The following LRP1B variants were observed in gnomAD, a reference collection of about 807,000 sequenced individuals.
The protein encoded by LRP1B is low-density lipoprotein receptor-related protein 1B.
Under a neutral mutation model 556.6 loss-of-function variants are expected in LRP1B, and 217 were observed. That is an observed-to-expected ratio of 0.39 (90% CI 0.35 to 0.44). The LOEUF (loss-of-function observed/expected upper bound fraction) is 0.44. Ranked by LOEUF, LRP1B falls within the 20% of genes least tolerant of loss-of-function variation. The pLI is 1.00. For missense variants in LRP1B, 5,053 were observed against 5,620.8 expected (o/e 0.90, Z 3.23); for synonymous variants, 2,047 against 1,865.8 (o/e 1.10, Z -2.50).
intron 1 of LRP1B, 40 bp downstream of exon 1, chr2:142,130,608 A>G: frequency 6.5e-7 from 1 of 1,546,378 alleles, no homozygotes; most frequent in Non-Finnish European, 8.8e-7. Context: ...AGGAAAGCCA[A>G]GGAAGTCAGG....
At chr2:141,059,969 A>C (rs1467726394) in intron 8 of LRP1B, among the ~76,000 whole-genome samples, 3 of 151,828 alleles carry the variant, frequency 2.0e-5, no homozygotes, top group African/African-American at 7.2e-5. Flanking sequence ...TTGAAAAAGC[A>C]TCTGTCACTA....
intron 84 of LRP1B, among the ~76,000 whole-genome samples, chr2:140,277,221 C>G (rs1416599437): frequency 2.0e-5 from 3 of 151,768 alleles, no homozygotes; most frequent in Non-Finnish European, 4.4e-5. Context: ...TACTAAAGGT[C>G]AAAGTTAAAA....
chr2:140,664,845 T>C (rs905527303), intron 41 of LRP1B, among the ~76,000 whole-genome samples: 4 of 151,896 alleles, frequency 2.6e-5, no homozygotes, highest in African/African-American at 4.8e-5. Flanking sequence ...AAAAACATTA[T>C]AAAAAAAATT....
chr2:141,681,208 T>C (rs772087891), intron 2 of LRP1B, among the ~76,000 whole-genome samples: 19 of 152,020 alleles, frequency 1.2e-4, no homozygotes, highest in Non-Finnish European at 2.2e-4. Flanking sequence ...GGGAGGATTT[T>C]TTTGTGCCAA....
intron 1 of LRP1B, among the ~76,000 whole-genome samples, chr2:141,853,895 T>C (rs145710292): frequency 6.6e-6 from 1 of 152,132 alleles, no homozygotes; most frequent in East Asian, 1.9e-4. Flanking sequence ...TATTTTATGA[T>C]ATATTTGTTG....
At chr2:141,492,079 G>GAAAAAAAAAAAAAAAAAAAAAAAAAA (rs1553521014) in intron 2 of LRP1B, among the ~76,000 whole-genome samples, 2 of 8,056 alleles carry the variant, frequency 2.5e-4, no homozygotes, top group African/African-American at 5.5e-4. Flanking sequence ...TTAGCTTTCT[G>GAAAAAAAAAAAAAAAAAAAAAAAAAA]AAAAAAAAAA....
chr2:141,168,101 T>C (rs192016986), intron 7 of LRP1B, among the ~76,000 whole-genome samples: 1 of 152,072 alleles, frequency 6.6e-6, no homozygotes, highest in East Asian at 1.9e-4. Context: ...TTAAGAAAAC[T>C]AAAACAGAAA....
At chr2:140,657,004 TCCTTC>T (rs1309525945) in intron 41 of LRP1B, among the ~76,000 whole-genome samples, 2 of 152,128 alleles carry the variant, frequency 1.3e-5, no homozygotes, top group Non-Finnish European at 2.9e-5. Flanking sequence ...GGTCATATTT[TCCTTC>T]TCTTATTATA....
At chr2:141,206,787 G>A (rs555857238) in intron 6 of LRP1B, among the ~76,000 whole-genome samples, 1 of 152,210 alleles carries the variant, frequency 6.6e-6, no homozygotes, top group African/African-American at 2.4e-5. Context: ...AAATTGGCAA[G>A]CAGAAGTGAG....
Position 140,762,036 on chromosome 2 carries a change from A to G in LRP1B, c.5758+7177T>C, listed in dbSNP as rs376391050. Among the ~76,000 whole-genome samples the G allele has an allele frequency of 4.6e-5, 7 of 152,136 alleles. No individual in the cohort carries two copies. The South Asian group carries it at 1.2e-3, about 27-fold the overall frequency. The stretch of plus-strand genomic sequence containing the variant: ...CCCTAACTATCTGAGTCTCAGATGA[A>G]GCTGTGCCATGAGTCTTCTGCCCCT... On this transcript the variant is annotated intron_variant, in intron 35 of 90. Transcript: ENST00000389484.
chr2:140,295,187 T>C (rs1297587018), intron 84 of LRP1B, among the ~76,000 whole-genome samples: 2 of 152,124 alleles, frequency 1.3e-5, no homozygotes, highest in Non-Finnish European at 2.9e-5. Flanking sequence ...TAATTAGTGT[T>C]ATACAATAAT....
In LRP1B at chr2:140,594,859, C is replaced by T. The variant is rs181323456; in HGVS notation, c.7194+3772G>A. 4.6e-3 allele frequency among the ~76,000 whole-genome samples: 701 copies of T among 151,780 alleles called. 11 individuals carry two copies. Among genetic ancestry groups the T allele is most frequent in the African/African-American group, 0.016 (652 of 41,424 alleles). On this transcript the variant is annotated intron_variant, in intron 43 of 90. Coordinates refer to ENST00000389484, the MANE Select transcript of LRP1B (RefSeq NM_018557.3). ...GCATTTTTTGACATTATAGAATGAA[C>T]GATGTTTTGCGTCTCTTCTTATATT...
At position 141,464,584 on chromosome 2, in the gene LRP1B, G is replaced by GTATATATATATATATATATA. The variant is rs1236041290; in HGVS notation, c.343+15792_343+15811dup. 6.1e-3 allele frequency among the ~76,000 whole-genome samples: 538 copies of GTATATATATATATATATATA among 88,228 alleles called. 13 individuals carry two copies. The highest frequency in any genetic ancestry group is 0.017 in the Middle Eastern group (3 of 174). 57.9% of individuals were successfully genotyped at this position (88,228 alleles called of 152,430 possible). On this transcript the variant is annotated intron_variant, in intron 3 of 90. Transcript: ENST00000389484. ...CCCGCCACCACGCCTGGCTAATTTTGTATATATATATATATATATATATTT... is the reference window on the plus strand; with the variant it reads ...CCCGCCACCACGCCTGGCTAATTTTGTATATATATATATATATATATATATATATATATATATATATATTT...
At chr2:142,015,986 C>A (rs1703114853) in intron 1 of LRP1B, among the ~76,000 whole-genome samples, 1 of 1,920 alleles carries the variant, frequency 5.2e-4, no homozygotes, top group African/African-American at 7.6e-4. Flanking sequence ...CGCGAGACTC[C>A]ATCTCAAAAA....
intron 1 of LRP1B, among the ~76,000 whole-genome samples, chr2:141,870,512 T>C (rs1242384912): frequency 2.6e-5 from 4 of 152,018 alleles, no homozygotes; most frequent in Non-Finnish European, 5.9e-5. Context: ...TGAAGGCAAG[T>C]AGATAAAAGT....
At chr2:141,119,312 A>G (rs1185701966) in intron 7 of LRP1B, among the ~76,000 whole-genome samples, 1 of 151,924 alleles carries the variant, frequency 6.6e-6, no homozygotes, top group Non-Finnish European at 1.5e-5. Flanking sequence ...CCAAATCCCC[A>G]CAACGTTGTA....
chr2:141,722,237 G>A (rs1574283854), intron 2 of LRP1B, among the ~76,000 whole-genome samples: 1 of 152,220 alleles, frequency 6.6e-6, no homozygotes, highest in Non-Finnish European at 1.5e-5. Context: ...AATTAGGTGG[G>A]CATGGTGGTG....
At chr2:140,737,265 A>T (rs1035567597) in intron 35 of LRP1B, among the ~76,000 whole-genome samples, 3 of 152,124 alleles carry the variant, frequency 2.0e-5, no homozygotes, top group Non-Finnish European at 4.4e-5. Flanking sequence ...CACCAAAAGG[A>T]CTTATGACCA....
At chr2:141,138,979 T>C (rs75662958) in intron 7 of LRP1B, among the ~76,000 whole-genome samples, 3,257 of 152,018 alleles carry the variant, frequency 0.021, 50 homozygotes, top group East Asian at 0.063. Flanking sequence ...AAAGTCAAAA[T>C]AGTGTGATAT....
Sources: allele counts gnomAD v4.1 joint callset (sites outside exome capture counted in the v4.1 genomes callset), GRCh38; gene constraint gnomAD v4.1.1; transcripts MANE v1.5; gene names NCBI Gene and HGNC (gene_info 2026-07-23, HGNC 2026-07-21).